TRPM3: variants seen among roughly 807,000 people sequenced by gnomAD.
TRPM3 encodes the protein long transient receptor potential channel 3.
In TRPM3, 77 loss-of-function variants were observed where a neutral mutation model predicts 181.2. The observed-to-expected ratio is 0.42, with a 90% CI of 0.35 to 0.51. TRPM3 has a LOEUF of 0.51. TRPM3 is among the 20% of genes least tolerant of loss of function. The pLI is 0.01. For missense variants in TRPM3, 1,759 were observed against 2,196.7 expected (o/e 0.80, Z 3.98); for synonymous variants, 745 against 796.4 (o/e 0.94, Z 1.09).
chr9:71,396,977 A>T (rs554307658), intron 1 of TRPM3, among the ~76,000 whole-genome samples: 20 of 152,134 alleles, frequency 1.3e-4, no homozygotes, highest in African/African-American at 4.6e-4. Context: ...AAAAAAAAAA[A>T]AAAAATTAAG....
At chr9:70,911,525 C>T (rs2096537801) in intron 1 of TRPM3, among the ~76,000 whole-genome samples, 2 of 152,172 alleles carry the variant, frequency 1.3e-5, no homozygotes, top group South Asian at 2.1e-4. Context: ...CAATTAGATG[C>T]TTCAATGGCA....
chr9:70,814,933 G>C (rs768430756), intron 6 of TRPM3, among the ~76,000 whole-genome samples: 1 of 110,608 alleles, frequency 9.0e-6, no homozygotes, highest in East Asian at 2.5e-4. Context: ...TTCTTTTTTC[G>C]TTATAAAAGC....
intron 1 of TRPM3, among the ~76,000 whole-genome samples, chr9:71,287,117 A>C (rs2085365527): frequency 6.9e-6 from 1 of 145,338 alleles, no homozygotes; most frequent in Non-Finnish European, 1.5e-5. Flanking sequence ...ATTGTATAAA[A>C]TATATGGTAA....
intron 8 of TRPM3, among the ~76,000 whole-genome samples, chr9:70,695,029 T>C (rs939088485): frequency 2.0e-5 from 3 of 152,210 alleles, no homozygotes; most frequent in East Asian, 3.9e-4. Flanking sequence ...TCAATGCCCA[T>C]GACCCAGAGC....
chr9:71,079,997 C>T (rs1216415112), intron 1 of TRPM3, among the ~76,000 whole-genome samples: 1 of 151,962 alleles, frequency 6.6e-6, no homozygotes, highest in African/African-American at 2.4e-5. Context: ...ATGGAGAAAC[C>T]CCATCTCTAC....
At chr9:70,898,161 C>T (rs1019413329) in intron 1 of TRPM3, among the ~76,000 whole-genome samples, 6 of 150,624 alleles carry the variant, frequency 4.0e-5, no homozygotes, top group Non-Finnish European at 7.4e-5. Context: ...CTGGCTCTGT[C>T]GCCCAGGCTG....
intron 6 of TRPM3, chr9:70,826,050 G>T (rs1335214335): frequency 6.6e-6 from 1 of 152,306 alleles, no homozygotes; most frequent in African/African-American, 2.4e-5. Context: ...GACCGATTTT[G>T]TCTTATTACC....
At chr9:71,007,465 A>T (rs2097692330) in intron 1 of TRPM3, among the ~76,000 whole-genome samples, 1 of 152,216 alleles carries the variant, frequency 6.6e-6, no homozygotes, top group Admixed American at 6.5e-5. Flanking sequence ...ACTGTATGTA[A>T]GGTCAGAAAA....
Position 70,530,307 on chromosome 9 carries a change from G to C in TRPM3, c.*5646C>G, listed in dbSNP as rs1413551957. On this transcript the variant is annotated 3_prime_UTR_variant, in exon 26 of 26. Coordinates refer to ENST00000677713, the MANE Select transcript of TRPM3 (RefSeq NM_001366145.2). Reference sequence around the variant, plus strand: ...CTAAGAGAAGAGAAGCAAGAAGAGGGGAGAAAGAAAGCCGCACATCCAGGC... The same window carrying C: ...CTAAGAGAAGAGAAGCAAGAAGAGGCGAGAAAGAAAGCCGCACATCCAGGC... 1 of 152,286 alleles carries C rather than the reference G, an allele frequency of 6.6e-6. No individual in the cohort carries two copies. Among genetic ancestry groups the C allele is most frequent in the East Asian group, 1.9e-4 (1 of 5,186 alleles). The allele number at this position is 152,286 out of a possible 1,614,324, so 9.4% of individuals were successfully genotyped here. A position where few individuals can be genotyped will look rare whatever the true frequency, so the allele number is the denominator to read the frequency against.
chr9:70,689,524 A>AG (rs1489228611), intron 8 of TRPM3, among the ~76,000 whole-genome samples: 1 of 151,526 alleles, frequency 6.6e-6, no homozygotes, highest in East Asian at 1.9e-4. Flanking sequence ...ATTACTTTAA[A>AG]AAAAAAACAA....
intron 21 of TRPM3, among the ~76,000 whole-genome samples, chr9:70,593,178 A>G (rs919277544): frequency 7.9e-5 from 12 of 152,218 alleles, no homozygotes; most frequent in Non-Finnish European, 1.5e-4. Flanking sequence ...CCAAACAGGA[A>G]TATCTTAAAA....
intron 7 of TRPM3, among the ~76,000 whole-genome samples, chr9:70,768,188 C>T (rs948839291): frequency 1.3e-5 from 2 of 152,164 alleles, no homozygotes; most frequent in Non-Finnish European, 2.9e-5. Context: ...ATGAGAACCA[C>T]CATTTCCTTT....
chr9:70,849,567 A>G (rs988015633), intron 3 of TRPM3, among the ~76,000 whole-genome samples: 6 of 152,212 alleles, frequency 3.9e-5, no homozygotes, highest in African/African-American at 1.4e-4. Flanking sequence ...CTTAAAAAGT[A>G]TTGGGTATAT....
intron 1 of TRPM3, among the ~76,000 whole-genome samples, chr9:70,964,352 A>T (rs2097165472): frequency 6.6e-6 from 1 of 152,102 alleles, no homozygotes; most frequent in African/African-American, 2.4e-5. Flanking sequence ...ATTAACAGAG[A>T]GGTAACAGAA....
intron 1 of TRPM3, among the ~76,000 whole-genome samples, chr9:71,285,465 C>T (rs1004324405): frequency 2.6e-5 from 4 of 152,122 alleles, no homozygotes; most frequent in African/African-American, 9.7e-5. Context: ...CCTATTAGCT[C>T]GAACTGTTGC....
intron 1 of TRPM3, among the ~76,000 whole-genome samples, chr9:71,011,396 T>G (rs1192815479): frequency 1.3e-5 from 2 of 152,156 alleles, no homozygotes; most frequent in African/African-American, 4.8e-5. Flanking sequence ...AAAAGCACAC[T>G]GTACCCCACA....
rs1393774788 is a variant in TRPM3 at position 70,621,300 on chromosome 9, G to A, written c.1810-27C>T. 2.5e-6 allele frequency: 4 copies of A among 1,571,828 alleles called. No individual in the cohort carries two copies. In the South Asian group the frequency reaches 4.6e-5, roughly 18 times the overall value. On this transcript the variant is annotated intron_variant, in intron 14 of 25. Transcript: ENST00000677713. ...TGTTAAAAAAAACGTTGTGAACAAA[G>A]TTAGATCAGTTAGATCTTTCTTTCA...
chr9:71,311,425 GGAACA>G (rs2087920783), intron 1 of TRPM3, among the ~76,000 whole-genome samples: 1 of 152,054 alleles, frequency 6.6e-6, no homozygotes, highest in Non-Finnish European at 1.5e-5. Context: ...ATAAATTAAT[GGAACA>G]GAACAGAGAG....
chr9:70,994,670 G>A (rs1425069814), intron 1 of TRPM3, among the ~76,000 whole-genome samples: 1 of 151,954 alleles, frequency 6.6e-6, no homozygotes, highest in Non-Finnish European at 1.5e-5. Context: ...TTACTCTCCA[G>A]GGGAACCTCA....
Sources: allele counts gnomAD v4.1 joint callset (sites outside exome capture counted in the v4.1 genomes callset), GRCh38; gene constraint gnomAD v4.1.1; transcripts MANE v1.5; gene names NCBI Gene and HGNC (gene_info 2026-07-23, HGNC 2026-07-21).